MARCHF1: variants seen among roughly 807,000 people sequenced by gnomAD.
The protein encoded by MARCHF1 is membrane associated ring-CH-type finger 1.
In MARCHF1, 40 loss-of-function variants were observed where a neutral mutation model predicts 54.2. The ratio of observed to expected loss-of-function variants is 0.74; its 90% confidence interval spans 0.57 to 0.96. The LOEUF (loss-of-function observed/expected upper bound fraction) is 0.96, where lower values mean the gene tolerates loss of function less well. MARCHF1 is among the 40% of genes least tolerant of loss of function. The pLI is 0.00. For synonymous variants in MARCHF1, 236 were observed against 236.3 expected (o/e 1.00, Z 0.01); for missense variants, 586 against 656.5 (o/e 0.89, Z 1.17).
intron 4 of MARCHF1, among the ~76,000 whole-genome samples, chr4:163,706,676 T>C (rs1418292751): frequency 1.3e-5 from 2 of 151,992 alleles, no homozygotes; most frequent in East Asian, 3.9e-4. Flanking sequence ...AATTGACATA[T>C]GAGTAGAATG....
At chr4:163,742,739 G>A (rs1283674943) in intron 4 of MARCHF1, among the ~76,000 whole-genome samples, 2 of 152,048 alleles carry the variant, frequency 1.3e-5, no homozygotes, top group African/African-American at 2.4e-5. Context: ...GGACCTCCCA[G>A]TGTGTTGGAA....
chr4:164,211,397 C>CATAT (rs34047038), intron 1 of MARCHF1, among the ~76,000 whole-genome samples: 56 of 146,196 alleles, frequency 3.8e-4, no homozygotes, highest in Non-Finnish European at 5.3e-4. Flanking sequence ...TACACACACA[C>CATAT]ATATATATAT....
At chr4:163,747,242 A>G (rs1746389336) in intron 4 of MARCHF1, among the ~76,000 whole-genome samples, 1 of 152,248 alleles carries the variant, frequency 6.6e-6, no homozygotes, top group African/African-American at 2.4e-5. Context: ...AACTATTGCC[A>G]GCCTGAATCT....
chr4:163,963,089 T>A, intron 3 of MARCHF1, among the ~76,000 whole-genome samples: 1 of 151,970 alleles, frequency 6.6e-6, no homozygotes, highest in Non-Finnish European at 1.5e-5. Flanking sequence ...AATAATGGTT[T>A]TAATACAATC....
intron 5 of MARCHF1, among the ~76,000 whole-genome samples, chr4:163,628,498 T>C (rs1741952838): frequency 2.0e-5 from 3 of 152,188 alleles, no homozygotes; most frequent in Admixed American, 2.0e-4. Context: ...AAGACAAGGA[T>C]GCCCTTTCTC....
intron 3 of MARCHF1, among the ~76,000 whole-genome samples, chr4:163,952,509 G>C (rs570882689): frequency 6.6e-6 from 1 of 152,240 alleles, no homozygotes; most frequent in East Asian, 1.9e-4. Flanking sequence ...GAAAATTGTG[G>C]ATTGCGTTTC....
chr4:164,225,079 C>T (rs910368419), intron 1 of MARCHF1, among the ~76,000 whole-genome samples: 1 of 152,024 alleles, frequency 6.6e-6, no homozygotes, highest in African/African-American at 2.4e-5. Flanking sequence ...AACTCCAGGG[C>T]TCTATGGTGT....
chr4:163,797,740 G>A (rs2110961350), intron 4 of MARCHF1, among the ~76,000 whole-genome samples: 1 of 151,604 alleles, frequency 6.6e-6, no homozygotes, highest in African/African-American at 2.4e-5. Context: ...CAAGTGTGTT[G>A]GTCTTTTAGA....
intron 3 of MARCHF1, among the ~76,000 whole-genome samples, chr4:163,976,532 T>C (rs1426126449): frequency 6.6e-6 from 1 of 152,204 alleles, no homozygotes; most frequent in African/African-American, 2.4e-5. Context: ...GGAATCTATA[T>C]CCACTCCCTT....
At chr4:164,337,907 C>T (rs772794593) in intron 1 of MARCHF1, among the ~76,000 whole-genome samples, 11 of 152,282 alleles carry the variant, frequency 7.2e-5, no homozygotes, top group Non-Finnish European at 1.5e-4. Context: ...TAACAATTCT[C>T]CCCCTGTCTA....
intron 3 of MARCHF1, among the ~76,000 whole-genome samples, chr4:163,966,131 A>T (rs1242370156): frequency 6.6e-6 from 1 of 152,080 alleles, no homozygotes; most frequent in African/African-American, 2.4e-5. Context: ...TTTAGGTCTA[A>T]TTATACTAAA....
chr4:164,076,619 T>C (rs1042961075), intron 2 of MARCHF1, among the ~76,000 whole-genome samples: 1 of 152,178 alleles, frequency 6.6e-6, no homozygotes, highest in Non-Finnish European at 1.5e-5. Flanking sequence ...GAGGACATGA[T>C]TGTATATTTA....
intron 1 of MARCHF1, among the ~76,000 whole-genome samples, chr4:164,227,661 C>T (rs1431017367): frequency 6.6e-6 from 1 of 152,082 alleles, no homozygotes; most frequent in Non-Finnish European, 1.5e-5. Flanking sequence ...AAGAGGAGCA[C>T]TCTCGCAATC....
rs572683781 is a variant in MARCHF1, at chr4:163,835,337, C to T, written c.111+18684G>A. On this transcript the variant is annotated intron_variant, in intron 4 of 9. Coordinates refer to ENST00000514618, the MANE Select transcript of MARCHF1 (RefSeq NM_001394959.1). Reference sequence around the variant, plus strand: ...CCAGTCAGAAATCTATTTAAATAGGCAGACAGATGAGTTTCAAATCAAGTT... The same window carrying T: ...CCAGTCAGAAATCTATTTAAATAGGTAGACAGATGAGTTTCAAATCAAGTT... Among the ~76,000 whole-genome samples the T allele has an allele frequency of 3.9e-5, 6 of 152,272 alleles. No individual in the cohort carries two copies. In the South Asian group the frequency reaches 1.2e-3, roughly 32 times the overall value.
intron 1 of MARCHF1, among the ~76,000 whole-genome samples, chr4:164,287,067 A>G (rs1005127822): frequency 3.4e-5 from 5 of 148,708 alleles, no homozygotes; most frequent in Non-Finnish European, 7.4e-5. Context: ...GAAAAAAATA[A>G]TTTTATAGTA....
At chr4:163,647,475 A>C in intron 5 of MARCHF1, among the ~76,000 whole-genome samples, 1 of 152,042 alleles carries the variant, frequency 6.6e-6, no homozygotes, top group East Asian at 1.9e-4. Flanking sequence ...CTTTTCAAGC[A>C]CACACCAAAT....
intron 1 of MARCHF1, chr4:164,197,091 T>C: frequency 6.2e-7 from 1 of 1,606,754 alleles, no homozygotes; most frequent in Non-Finnish European, 8.5e-7. Context: ...TATAACCTTC[T>C]TCATCCTCCT....
chr4:164,368,669 T>G lies in MARCHF1; in HGVS notation c.-323+15201A>C, dbSNP rs188460864. Reference sequence around the variant, plus strand: ...GACCAACCAGGATTTATCCTAAATATGCAGGGACTGTGTATTATTAGAAAT... The same window carrying G: ...GACCAACCAGGATTTATCCTAAATAGGCAGGGACTGTGTATTATTAGAAAT... On this transcript the variant is annotated intron_variant, in intron 1 of 9. Transcript: ENST00000514618. Among the ~76,000 whole-genome samples the G allele has an allele frequency of 7.2e-5, 11 of 152,294 alleles. No individual in the cohort carries two copies. The East Asian group carries it at 2.1e-3, about 29-fold the overall frequency.
chr4:163,604,172 G>A (rs1172285478), intron 7 of MARCHF1, among the ~76,000 whole-genome samples: 2 of 151,946 alleles, frequency 1.3e-5, no homozygotes, highest in Non-Finnish European at 2.9e-5. Context: ...AGACTTCCTC[G>A]TCTTCATCTA....
Sources: allele counts gnomAD v4.1 joint callset (sites outside exome capture counted in the v4.1 genomes callset), GRCh38; gene constraint gnomAD v4.1.1; transcripts MANE v1.5; gene names NCBI Gene and HGNC (gene_info 2026-07-23, HGNC 2026-07-21).